PCDHGB7: variants seen among roughly 807,000 people sequenced by gnomAD.
PCDHGB7 encodes the protein protocadherin gamma-B7.
PCDHGB7 carries 37 observed loss-of-function variants against 61.4 expected under a neutral mutation model. That is an observed-to-expected ratio of 0.60 (90% CI 0.46 to 0.79). The LOEUF (loss-of-function observed/expected upper bound fraction) is 0.79, where lower values mean the gene tolerates loss of function less well. Among genes scored for constraint, PCDHGB7 ranks in the 30% least tolerant of loss-of-function variants. The pLI, the probability that PCDHGB7 is intolerant of heterozygous loss-of-function variation, is 0.00. For synonymous variants in PCDHGB7, 464 were observed against 503.5 expected (o/e 0.92, Z 1.05); for missense variants, 1,166 against 1,202.5 (o/e 0.97, Z 0.45).
intron 1 of PCDHGB7, among the ~76,000 whole-genome samples, chr5:141,483,007 C>T (rs938404755): frequency 1.3e-5 from 2 of 152,022 alleles, no homozygotes; most frequent in Non-Finnish European, 2.9e-5. Flanking sequence ...ATTGCTTGAA[C>T]CCGGGAGGCA....
chr5:141,422,744 T>C, intron 1 of PCDHGB7: 1 of 1,610,696 alleles, frequency 6.2e-7, no homozygotes, highest in Non-Finnish European at 8.5e-7. Flanking sequence ...TCCTCCTATG[T>C]CTCTATTAAC....
chr5:141,431,536 G>T lies in PCDHGB7; in HGVS notation c.2415+11262G>T. Reference sequence around the variant, plus strand: ...TTCCGGAGAATCTGGCCTTGGGCACGCAGCTGCTTGTAGTCAACGCTACCG... The same window carrying T: ...TTCCGGAGAATCTGGCCTTGGGCACTCAGCTGCTTGTAGTCAACGCTACCG... On this transcript the variant is annotated intron_variant, in intron 1 of 3. Coordinates refer to ENST00000398594, the MANE Select transcript of PCDHGB7 (RefSeq NM_018927.4). The surrounding 1 kb of genome is among the most constrained non-coding windows in gnomAD (Gnocchi z 4.8). 6.2e-7 allele frequency: 1 copy of T among 1,614,068 alleles called. No homozygotes were observed. Among genetic ancestry groups the T allele is most frequent in the Non-Finnish European group, 8.5e-7 (1 of 1,180,022 alleles).
rs749937052 is a variant in PCDHGB7, at chr5:141,490,441, G to A, written c.2416-4366G>A. ...CCTGCCATTTCAGATTAAGCCTTCT[G>A]AGAACCACTACTCGCTGCTAACCAG... On this transcript the variant is annotated intron_variant, in intron 1 of 3. Coordinates refer to ENST00000398594, the MANE Select transcript of PCDHGB7 (RefSeq NM_018927.4). The surrounding 1 kb of genome is among the most constrained non-coding windows in gnomAD (Gnocchi z 5.4). The A allele has an allele frequency of 9.3e-6, 15 of 1,614,208 alleles. No homozygotes were observed. The highest frequency in any genetic ancestry group is 1.2e-5 in the Non-Finnish European group (14 of 1,180,042).
rs376819906 is a variant in PCDHGB7 at position 141,418,227 on chromosome 5, T to C, written c.368T>C (p.Ile123Thr). Residue 123 changes from isoleucine to threonine, a missense_variant, in exon 1 of 4, where the codon ATT becomes ACT. Transcript: ENST00000398594. The part of the protein sequence containing the change: ...PLNIFHVIVV[I>T]EDVNDHAPQF... ...AATATTTTTCATGTCATTGTGGTGA[T>C]TGAGGATGTTAATGACCACGCCCCT... The C allele has an allele frequency of 6.8e-6, 11 of 1,613,856 alleles. No homozygotes were observed. In the South Asian group the frequency reaches 7.7e-5, roughly 11 times the overall value.
In PCDHGB7 at chr5:141,492,378, C is replaced by T. The variant is rs144479033; in HGVS notation, c.2416-2429C>T. Among the ~76,000 whole-genome samples the T allele has an allele frequency of 1.7e-3, 262 of 152,360 alleles. 2 individuals are homozygous for T. The highest frequency in any genetic ancestry group is 3.0e-3 in the Non-Finnish European group (207 of 68,026). On this transcript the variant is annotated intron_variant, in intron 1 of 3. Coordinates refer to ENST00000398594, the MANE Select transcript of PCDHGB7 (RefSeq NM_018927.4). ...CTCGCTCGCGGCCAGATTCACAGGCCTGTTCCGGTCCACTCGCAGCTCCCC... is the reference window on the plus strand; with the variant it reads ...CTCGCTCGCGGCCAGATTCACAGGCTTGTTCCGGTCCACTCGCAGCTCCCC...
At chr5:141,422,758 A>G in intron 1 of PCDHGB7, 1 of 1,613,150 alleles carries the variant, frequency 6.2e-7, no homozygotes, top group Non-Finnish European at 8.5e-7. Flanking sequence ...TATTAACTCC[A>G]ACACTGGTGT....
chr5:141,434,106 T>C (rs1195019110), intron 1 of PCDHGB7, among the ~76,000 whole-genome samples: 1 of 152,236 alleles, frequency 6.6e-6, no homozygotes, highest in Non-Finnish European at 1.5e-5. Context: ...TGTCCCAGGA[T>C]TGGCCTTTGG....
chr5:141,438,613 TATATATATATATATATATATATAC>T (rs1240061633), intron 1 of PCDHGB7, among the ~76,000 whole-genome samples: 627 of 36,484 alleles, frequency 0.017, 21 homozygotes, highest in African/African-American at 0.051. Flanking sequence ...TATATATATA[TATATATATATATATATATATATAC>T]ACACACACAC....
chr5:141,418,940 C>G lies in PCDHGB7; in HGVS notation c.1081C>G (p.Pro361Ala). The G allele has an allele frequency of 5.6e-6, 9 of 1,614,012 alleles. No homozygotes were observed. Among genetic ancestry groups the G allele is most frequent in the Non-Finnish European group, 6.8e-6 (8 of 1,179,878 alleles). The change falls in exon 1 of 4, where the codon CCT becomes GCT. Residue 361 changes from proline (P) to alanine (A), a missense_variant. Coordinates refer to ENST00000398594, the MANE Select transcript of PCDHGB7 (RefSeq NM_018927.4). ...SLSDQIMEDS[P>A]PGVVVALFKT... ...CTCTGATCAGATTATGGAGGATTCC[C>G]CTCCAGGAGTGGTTGTTGCCCTCTT...
chr5:141,485,744 G>T lies in PCDHGB7; in HGVS notation c.2416-9063G>T. 1 of 1,614,226 alleles carries T rather than the reference G, an allele frequency of 6.2e-7. No individual in the cohort carries two copies. Among genetic ancestry groups the T allele is most frequent in the Non-Finnish European group, 8.5e-7 (1 of 1,180,038 alleles). On this transcript the variant is annotated intron_variant, in intron 1 of 3. Transcript: ENST00000398594. The surrounding 1 kb of genome is among the most constrained non-coding windows in gnomAD (Gnocchi z 5.7). ...GAAGAAGCGCAGCGACGGCAGCCTG[G>T]TCCCAGAGCTGCTCCTGGAGAAGCC...
intron 1 of PCDHGB7, among the ~76,000 whole-genome samples, chr5:141,457,594 TA>T (rs1239366532): frequency 6.6e-6 from 1 of 152,250 alleles, no homozygotes; most frequent in Non-Finnish European, 1.5e-5. Flanking sequence ...TCATTTTTGG[TA>T]AAAACTAATT....
At chr5:141,463,831 C>T (rs2099070299) in intron 1 of PCDHGB7, among the ~76,000 whole-genome samples, 1 of 152,174 alleles carries the variant, frequency 6.6e-6, no homozygotes, top group African/African-American at 2.4e-5. Flanking sequence ...TGATCCACTT[C>T]CCAGTTGTTA....
At chr5:141,422,936 C>A (rs1428873210) in intron 1 of PCDHGB7, 2 of 1,614,260 alleles carry the variant, frequency 1.2e-6, no homozygotes, top group East Asian at 4.5e-5. Flanking sequence ...GCCCTCCCCA[C>A]AGACGGCTCC....
At position 141,432,554 on chromosome 5, in the gene PCDHGB7, G is replaced by A. The variant is rs757821109; in HGVS notation, c.2415+12280G>A. The A allele has an allele frequency of 9.3e-6, 15 of 1,613,832 alleles. No homozygotes were observed. Among genetic ancestry groups the A allele is most frequent in the Non-Finnish European group, 1.3e-5 (15 of 1,180,006 alleles). On this transcript the variant is annotated intron_variant, in intron 1 of 3. Coordinates refer to ENST00000398594, the MANE Select transcript of PCDHGB7 (RefSeq NM_018927.4). The surrounding 1 kb of genome is among the most constrained non-coding windows in gnomAD (Gnocchi z 6.0). ...GGTGGTGGCGGTGGACAGAGACTCCGGCCAGAACGCCTGGCTGTCCTACCG... is the reference window on the plus strand; with the variant it reads ...GGTGGTGGCGGTGGACAGAGACTCCAGCCAGAACGCCTGGCTGTCCTACCG...
chr5:141,507,287 C>G (rs79707942), intron 3 of PCDHGB7: 1 of 148,974 alleles, frequency 6.7e-6, no homozygotes, highest in East Asian at 1.9e-4. Context: ...AAGTCAGTCT[C>G]AAATGTTGCA....
intron 1 of PCDHGB7, chr5:141,423,661 G>A: frequency 1.3e-6 from 2 of 1,555,760 alleles, no homozygotes; most frequent in Non-Finnish European, 1.7e-6. Flanking sequence ...AAGTAATCAG[G>A]TGAGATTTAT....
intron 1 of PCDHGB7, chr5:141,433,284 C>T: frequency 8.5e-7 from 1 of 1,176,236 alleles, no homozygotes; most frequent in Non-Finnish European, 1.2e-6. Flanking sequence ...GCCTCAAACT[C>T]CTAGGCTCAA....
chr5:141,461,228 A>C (rs1472527415), intron 1 of PCDHGB7, among the ~76,000 whole-genome samples: 1 of 151,976 alleles, frequency 6.6e-6, no homozygotes, highest in Non-Finnish European at 1.5e-5. Flanking sequence ...TTTTCCATAG[A>C]GGTTGTACTA....
rs764389909 is a variant in PCDHGB7, at chr5:141,491,064, ACTGTTG to A, written c.2416-3741_2416-3736del. On this transcript the variant is annotated intron_variant, in intron 1 of 3. Transcript: ENST00000398594. The surrounding 1 kb of genome is among the most constrained non-coding windows in gnomAD (Gnocchi z 6.9). ...GCCACAATGCGTGGCTCTCCTACTCACTGTTGCCACAGTCCACAGCCCCAGGACTGT... is the reference window on the plus strand; with the variant it reads ...GCCACAATGCGTGGCTCTCCTACTCACCACAGTCCACAGCCCCAGGACTGT... 1.2e-6 allele frequency: 2 copies of A among 1,613,962 alleles called. No homozygotes were observed. Among genetic ancestry groups the A allele is most frequent in the Admixed American group, 3.3e-5 (2 of 60,010 alleles).
Sources: gnomAD v4.1 joint callset for allele counts (sites outside exome capture counted in the v4.1 genomes callset) on GRCh38, gnomAD v4.1.1 for gene constraint, Gnocchi (gnomAD v3.1) non-coding constraint, MANE v1.5 for transcripts, NCBI Gene and HGNC (gene_info 2026-07-23, HGNC 2026-07-21) for gene names.